The following IFT74 variants were observed in gnomAD, a reference collection of about 807,000 sequenced individuals.
IFT74 encodes intraflagellar transport 74, also known as intraflagellar transport protein 74 homolog.
Under a neutral mutation model 96.7 loss-of-function variants are expected in IFT74, and 92 were observed. That is an observed-to-expected ratio of 0.95 (90% CI 0.80 to 1.13). The LOEUF (loss-of-function observed/expected upper bound fraction) is 1.13, where lower values mean the gene tolerates loss of function less well. Ranked by LOEUF, IFT74 falls within the 50% of genes most tolerant of loss-of-function variation. The probability of loss-of-function intolerance (pLI) is 0.00; values close to 1 mark genes in which losing one functional copy is unlikely to be tolerated. For missense variants in IFT74, 811 were observed against 698.2 expected (o/e 1.16, Z -1.82); for synonymous variants, 223 against 213.2 (o/e 1.05, Z -0.40).
rs57508614 is a variant in IFT74, at chr9:27,066,113, AATTAT to A, written c.*3381_*3385del. Among the ~76,000 whole-genome samples, 1 of 152,322 alleles carries A rather than the reference AATTAT, an allele frequency of 6.6e-6. No individual in the cohort carries two copies. Among genetic ancestry groups the A allele is most frequent in the Non-Finnish European group, 1.5e-5 (1 of 68,016 alleles). On this transcript the variant is annotated 3_prime_UTR_variant, in exon 20 of 20. Transcript: ENST00000380062. ...ATTTATGCACCTTTAATTAAATTAA[AATTAT>A]ATTGTTTTTAATTTTACATTTGCTA...
In IFT74 at chr9:27,051,670, A is replaced by G. The variant is rs1214924788; in HGVS notation, c.1333+3396A>G. 5.3e-5 allele frequency among the ~76,000 whole-genome samples: 8 copies of G among 152,360 alleles called. No homozygotes were observed. The East Asian group carries it at 9.6e-4, about 18-fold the overall frequency. The stretch of plus-strand genomic sequence containing the variant: ...TAAATTACCTCATATAAATGAAGTC[A>G]TACAGTATTTGTCCTTTTGGGACTG... On this transcript the variant is annotated intron_variant, in intron 16 of 19. Transcript: ENST00000380062.
At chr9:27,044,686 T>G (rs1819618489) in intron 13 of IFT74, 56 bp from the exon 14 acceptor site, 2 of 971,416 alleles carry the variant, frequency 2.1e-6, no homozygotes, top group Non-Finnish European at 3.2e-6. Context: ...ATTTTTAATT[T>G]AGAGCCCTGT....
chr9:27,015,517 A>G (rs1434535482), intron 10 of IFT74, among the ~76,000 whole-genome samples: 1 of 152,058 alleles, frequency 6.6e-6, no homozygotes, highest in South Asian at 2.1e-4. Context: ...GGCGCCTATA[A>G]TCCCAGCTAC....
intron 2 of IFT74, among the ~76,000 whole-genome samples, chr9:26,975,274 C>T (rs575240530): frequency 6.6e-6 from 1 of 152,110 alleles, no homozygotes; most frequent in East Asian, 1.9e-4. Context: ...GGCTTGTTCC[C>T]TCTGGTTTTT....
chr9:27,029,766 A>G (rs890008971), intron 13 of IFT74, among the ~76,000 whole-genome samples: 2 of 152,190 alleles, frequency 1.3e-5, no homozygotes, highest in African/African-American at 2.4e-5. Flanking sequence ...AAATAAATTA[A>G]TTAAATAATA....
chr9:26,952,107 T>C (rs1385939787), upstream of IFT74, among the ~76,000 whole-genome samples: 2 of 152,244 alleles, frequency 1.3e-5, no homozygotes, highest in South Asian at 2.1e-4. Flanking sequence ...AGCGTTTTTC[T>C]TGGCTTTTAG....
chr9:27,060,197 A>G (rs1262340550), intron 18 of IFT74, among the ~76,000 whole-genome samples: 1 of 152,150 alleles, frequency 6.6e-6, no homozygotes, highest in Non-Finnish European at 1.5e-5. Context: ...ATATGGCTGA[A>G]CCTTTGACAG....
chr9:27,055,490 A>C, intron 16 of IFT74, 119 bp from the exon 17 acceptor site: 2 of 673,012 alleles, frequency 3.0e-6, no homozygotes, highest in Non-Finnish European at 4.8e-6. Context: ...GTTACAGTGA[A>C]CATATATTTC....
intron 13 of IFT74, among the ~76,000 whole-genome samples, chr9:27,030,111 A>T (rs1001389952): frequency 6.6e-6 from 1 of 152,206 alleles, no homozygotes; most frequent in African/African-American, 2.4e-5. Flanking sequence ...AATAAGAAAG[A>T]TAAAAGTAGA....
chr9:27,018,147 A>G (rs1829433883), intron 11 of IFT74, among the ~76,000 whole-genome samples: 1 of 152,228 alleles, frequency 6.6e-6, no homozygotes, highest in South Asian at 2.1e-4. Context: ...TGAATTTCAG[A>G]TAAGCAATAA....
chr9:27,001,420 C>T (rs1462811262), intron 8 of IFT74, among the ~76,000 whole-genome samples: 1 of 152,120 alleles, frequency 6.6e-6, no homozygotes, highest in Non-Finnish European at 1.5e-5. Flanking sequence ...AATTTACATT[C>T]CCAAGAGTGT....
At chr9:27,046,360 A>G (rs1819703071) in intron 14 of IFT74, among the ~76,000 whole-genome samples, 1 of 152,228 alleles carries the variant, frequency 6.6e-6, no homozygotes, top group Non-Finnish European at 1.5e-5. Flanking sequence ...ATAAGAAAAA[A>G]GTATAATGGG....
At position 26,990,134 on chromosome 9, in the gene IFT74, C is replaced by CT; in HGVS notation, c.528dup (p.Lys177Ter). On this transcript the variant is annotated frameshift_variant and splice_region_variant, in exon 8 of 20. Coordinates refer to ENST00000380062, the MANE Select transcript of IFT74 (RefSeq NM_025103.4). LOFTEE classifies it high-confidence loss of function. ...TAACTTATGTGTTAACTTTATTCAG[C>CT]TTAAAGCTCAAAATGATCGAGAAAC... The CT allele has an allele frequency of 6.7e-7, 1 of 1,499,886 alleles. No individual in the cohort carries two copies. The highest frequency in any genetic ancestry group is 8.9e-7 in the Non-Finnish European group (1 of 1,125,994). The allele number at this position is 1,499,886 out of a possible 1,614,324, so 92.9% of individuals were successfully genotyped here.
intron 3 of IFT74, 69 bp from the exon 4 acceptor site, chr9:26,980,502 T>C (rs1425097844): frequency 3.3e-6 from 3 of 907,942 alleles, no homozygotes; most frequent in Non-Finnish European, 5.6e-6. Flanking sequence ...TAATTCTGAT[T>C]GTGCTTTGGA....
At chr9:27,017,487 G>C (rs974217064) in intron 11 of IFT74, among the ~76,000 whole-genome samples, 1 of 152,176 alleles carries the variant, frequency 6.6e-6, no homozygotes, top group Non-Finnish European at 1.5e-5. Context: ...CTCTCCAAGT[G>C]TTGGGACTAT....
At chr9:26,981,439 G>A (rs2131532953) in intron 4 of IFT74, among the ~76,000 whole-genome samples, 1 of 151,814 alleles carries the variant, frequency 6.6e-6, no homozygotes, top group East Asian at 2.0e-4. Context: ...TTTTGAGACA[G>A]AGTCTTGTTC....
chr9:26,968,092 T>G (rs1450176044), intron 2 of IFT74, among the ~76,000 whole-genome samples: 7 of 149,732 alleles, frequency 4.7e-5, no homozygotes, highest in Admixed American at 1.3e-4. Flanking sequence ...TTAATCAGGA[T>G]AATACTGGTC....
At chr9:26,982,781 G>A (rs564934838) in intron 4 of IFT74, among the ~76,000 whole-genome samples, 2 of 151,954 alleles carry the variant, frequency 1.3e-5, no homozygotes, top group African/African-American at 4.8e-5. Context: ...AGTAGAGATG[G>A]GGGTTTCACC....
intron 12 of IFT74, among the ~76,000 whole-genome samples, chr9:27,022,320 G>A (rs1002570360): frequency 3.3e-5 from 5 of 151,996 alleles, no homozygotes; most frequent in African/African-American, 7.2e-5. Flanking sequence ...ATGCAGGCTC[G>A]CTTTGGGTTC....
Sources: gnomAD v4.1 joint callset for allele counts (sites outside exome capture counted in the v4.1 genomes callset) on GRCh38, gnomAD v4.1.1 for gene constraint, MANE v1.5 for transcripts, NCBI Gene and HGNC (gene_info 2026-07-23, HGNC 2026-07-21) for gene names.